NRG4: variants seen among roughly 807,000 people sequenced by gnomAD.
NRG4 encodes the protein neuregulin 4, also known as pro-neuregulin-4, membrane-bound isoform.
NRG4 carries 10 observed loss-of-function variants against 15.0 expected under a neutral mutation model. That is an observed-to-expected ratio of 0.67 (90% CI 0.41 to 1.13). The LOEUF is 1.13. Ranked by LOEUF, NRG4 falls within the 50% of genes most tolerant of loss-of-function variation. The pLI is 0.00. For missense variants in NRG4, 139 were observed against 140.2 expected (o/e 0.99, Z 0.04); for synonymous variants, 41 against 50.1 (o/e 0.82, Z 0.77).
At chr15:75,992,406 A>C (rs74024053) in intron 3 of NRG4, among the ~76,000 whole-genome samples, 6,029 of 152,252 alleles carry the variant, frequency 0.04, 213 homozygotes, top group African/African-American at 0.094. Context: ...ATAGGCTTGC[A>C]GGTAATAAAT....
intron 5 of NRG4, among the ~76,000 whole-genome samples, chr15:75,955,476 T>C (rs2032182850): frequency 1.3e-5 from 2 of 152,216 alleles, no homozygotes; most frequent in African/African-American, 4.8e-5. Context: ...CCATTTTTTG[T>C]TGTTTTAAGT....
chr15:75,943,610 C>T lies in NRG4; in HGVS notation c.*28G>A, dbSNP rs754428134. ...ATTTTCTGCCTTTGTAAAATAAAAA[C>T]AATGATTTGGTTCACTTTGACGTTT... On this transcript the variant is annotated 3_prime_UTR_variant, in exon 6 of 6. Coordinates refer to ENST00000394907, the MANE Select transcript of NRG4 (RefSeq NM_138573.4). The T allele has an allele frequency of 4.8e-6, 7 of 1,463,774 alleles. No individual in the cohort carries two copies. The Admixed American group carries it at 1.2e-4, about 25-fold the overall frequency. 90.7% of individuals were successfully genotyped at this position (1,463,774 alleles called of 1,614,324 possible).
intron 3 of NRG4, chr15:76,005,902 C>A: frequency 7.5e-6 from 2 of 267,266 alleles, no homozygotes; most frequent in South Asian, 4.3e-5. Flanking sequence ...AGAATGCAGA[C>A]CAAGGAAGAA....
intron 3 of NRG4, among the ~76,000 whole-genome samples, chr15:75,997,514 G>C (rs2034258644): frequency 1.3e-5 from 2 of 151,936 alleles, no homozygotes; most frequent in Admixed American, 6.6e-5. Flanking sequence ...AAGGGGCTTA[G>C]ATTCTATTAG....
At chr15:75,963,889 G>A (rs2032661765) in intron 3 of NRG4, among the ~76,000 whole-genome samples, 3 of 151,942 alleles carry the variant, frequency 2.0e-5, no homozygotes. Flanking sequence ...GTTGCAGTGA[G>A]CTATGATCAT....
chr15:76,029,002 A>T (rs1304101219), intron 5 of NRG4, among the ~76,000 whole-genome samples: 1 of 152,044 alleles, frequency 6.6e-6, no homozygotes, highest in Non-Finnish European at 1.5e-5. Context: ...CAACAGAAAG[A>T]GAAACTACAG....
intron 2 of NRG4, among the ~76,000 whole-genome samples, chr15:76,056,259 C>T (rs1596070702): frequency 6.6e-6 from 1 of 151,892 alleles, no homozygotes; most frequent in Non-Finnish European, 1.5e-5. Context: ...ACCAGCCTGA[C>T]CAACATGGAG....
At chr15:76,026,710 C>T (rs564995460) in intron 5 of NRG4, among the ~76,000 whole-genome samples, 7 of 152,202 alleles carry the variant, frequency 4.6e-5, no homozygotes, top group Admixed American at 2.6e-4. Context: ...ACAAAGGATA[C>T]ACAAAACTAC....
At chr15:75,998,059 T>C (rs1023131064) in intron 3 of NRG4, among the ~76,000 whole-genome samples, 1 of 152,346 alleles carries the variant, frequency 6.6e-6, no homozygotes, top group Admixed American at 6.5e-5. Context: ...TATCAAATTC[T>C]ATCCTACATA....
chr15:76,037,230 T>G (rs1335863670), intron 4 of NRG4, among the ~76,000 whole-genome samples: 4 of 152,130 alleles, frequency 2.6e-5, no homozygotes, highest in Admixed American at 2.6e-4. Flanking sequence ...AAAAGCACCT[T>G]TATAAGAACC....
intron 1 of NRG4, among the ~76,000 whole-genome samples, chr15:76,058,511 A>T (rs1293105065): frequency 6.6e-6 from 1 of 152,208 alleles, no homozygotes; most frequent in African/African-American, 2.4e-5. Context: ...GGCAATTCCA[A>T]GAGGTGGTTT....
chr15:76,010,113 TA>T (rs2034755251), intron 2 of NRG4, among the ~76,000 whole-genome samples: 1 of 152,030 alleles, frequency 6.6e-6, no homozygotes, highest in Admixed American at 6.6e-5. Flanking sequence ...AGACCTTTTA[TA>T]AAAAATCCCT....
chr15:76,007,460 C>T (rs539197317), intron 3 of NRG4, among the ~76,000 whole-genome samples: 19 of 143,030 alleles, frequency 1.3e-4, no homozygotes, highest in Admixed American at 9.9e-4. Flanking sequence ...GACGGAGTCT[C>T]GCTCTGTCGC....
intron 4 of NRG4, among the ~76,000 whole-genome samples, chr15:76,045,577 T>C (rs1422760601): frequency 1.3e-5 from 2 of 150,888 alleles, no homozygotes; most frequent in Non-Finnish European, 2.9e-5. Flanking sequence ...ATACATACAA[T>C]GGAGTACTAT....
At chr15:75,988,984 C>T (rs971477168) in intron 3 of NRG4, among the ~76,000 whole-genome samples, 10 of 151,352 alleles carry the variant, frequency 6.6e-5, no homozygotes, top group African/African-American at 9.7e-5. Context: ...CAGCCTCCCA[C>T]GTAGCTGGGA....
intron 4 of NRG4, among the ~76,000 whole-genome samples, chr15:76,041,963 G>A (rs962428417): frequency 3.9e-5 from 6 of 152,068 alleles, no homozygotes; most frequent in African/African-American, 1.4e-4. Flanking sequence ...TTTAAAAATT[G>A]AAATAATATC....
intron 3 of NRG4, among the ~76,000 whole-genome samples, chr15:75,976,698 G>A (rs976521900): frequency 3.9e-5 from 6 of 152,118 alleles, no homozygotes; most frequent in South Asian, 2.1e-4. Flanking sequence ...TCCTTCCTCC[G>A]GAAGCTTCAT....
chr15:75,972,166 T>C (rs564719392), intron 3 of NRG4, among the ~76,000 whole-genome samples: 1 of 152,374 alleles, frequency 6.6e-6, no homozygotes, highest in South Asian at 2.1e-4. Context: ...ATAAATGTCT[T>C]ATTTTGATAA....
At chr15:75,982,167 T>C (rs1199233140) in intron 3 of NRG4, among the ~76,000 whole-genome samples, 1 of 152,162 alleles carries the variant, frequency 6.6e-6, no homozygotes. Flanking sequence ...ATAAGGATAT[T>C]GTCGATCCCA....
Sources: gnomAD v4.1 joint callset for allele counts (sites outside exome capture counted in the v4.1 genomes callset) on GRCh38, gnomAD v4.1.1 for gene constraint, MANE v1.5 for transcripts, NCBI Gene and HGNC (gene_info 2026-07-23, HGNC 2026-07-21) for gene names.